Variants in PSIP1 observed in about 807,000 individuals in gnomAD.
PSIP1 encodes the protein PC4 and SRSF1 interacting protein 1.
A neutral mutation model predicts 74.7 loss-of-function variants in PSIP1; 19 were observed. The observed-to-expected ratio is 0.25, with a 90% CI of 0.18 to 0.37. The LOEUF is 0.37. PSIP1 is among the 10% of genes least tolerant of loss of function. The pLI is 1.00. For missense variants in PSIP1, 601 were observed against 614.3 expected, an observed-to-expected ratio of 0.98 and a Z score of 0.23; for synonymous variants, 222 against 195.3, an observed-to-expected ratio of 1.14 and a Z score of -1.14.
At chr9:15,493,962 A>ACAT (rs2036955501) in intron 3 of PSIP1, among the ~76,000 whole-genome samples, 1 of 152,182 alleles carries the variant, frequency 6.6e-6, no homozygotes, top group African/African-American at 2.4e-5. Context: ...TGGACCCTGT[A>ACAT]CATCTCCTCC....
chr9:15,499,192 T>G (rs1363671457), intron 3 of PSIP1, among the ~76,000 whole-genome samples: 2 of 152,194 alleles, frequency 1.3e-5, no homozygotes, highest in African/African-American at 4.8e-5. Context: ...TTTTGGACTT[T>G]CCTTTAACCA....
rs1184073039 is a variant in PSIP1, at chr9:15,474,277, C to T, written c.630-40G>A. 6.7e-6 allele frequency: 10 copies of T among 1,489,332 alleles called. No individual in the cohort carries two copies. The East Asian group carries it at 2.3e-4, about 34-fold the overall frequency. 92.3% of individuals were successfully genotyped at this position (1,489,332 alleles called of 1,614,324 possible). On this transcript the variant is annotated intron_variant, in intron 8 of 15. Coordinates refer to ENST00000380733, the MANE Select transcript of PSIP1 (RefSeq NM_033222.5). ...ATAACAATGTATACTTGTCATTCAA[C>T]TATAATAGTATTTTAGATATCAGTA...
intron 6 of PSIP1, among the ~76,000 whole-genome samples, chr9:15,481,224 G>A: frequency 6.6e-6 from 1 of 152,164 alleles, no homozygotes; most frequent in Admixed American, 6.5e-5. Context: ...TTTTTATAAA[G>A]CTCCCCAGGT....
In PSIP1 at chr9:15,479,646, T is replaced by A. The variant is rs901927161; in HGVS notation, c.498A>T (p.Thr166=). The A allele has an allele frequency of 6.2e-7, 1 of 1,612,118 alleles. No homozygotes were observed. Among genetic ancestry groups the A allele is most frequent in the Non-Finnish European group, 8.5e-7 (1 of 1,179,208 alleles). Residue 166 remains threonine (T), a synonymous_variant, in exon 7 of 16, where the codon ACA becomes ACT. Transcript: ENST00000380733. ...QVETEEAGVV[T]TATASVNLKV... The stretch of plus-strand genomic sequence containing the variant: ...TTAGATTAACAGATGCTGTTGCTGT[T>A]GTCACTACTCCTGCCTCCTCAGTTT...
chr9:15,466,364 G>A (rs1027172703), intron 15 of PSIP1, among the ~76,000 whole-genome samples: 38 of 152,090 alleles, frequency 2.5e-4, no homozygotes, highest in African/African-American at 9.2e-4. Context: ...AGCAACAAGA[G>A]TGAAACTCTG....
At position 15,509,648 on chromosome 9, in the gene PSIP1, G is replaced by A. The variant is rs77999755; in HGVS notation, c.72+469C>T. 2.7e-3 allele frequency among the ~76,000 whole-genome samples: 417 copies of A among 152,312 alleles called. 7 individuals carry two copies. The highest frequency in any genetic ancestry group is 9.6e-3 in the African/African-American group (398 of 41,562). On this transcript the variant is annotated intron_variant, in intron 2 of 15. Coordinates refer to ENST00000380733, the MANE Select transcript of PSIP1 (RefSeq NM_033222.5). ...AAGCAAATCCAGAAGGCCTCATCAA[G>A]TACAAGGTATTTTTTTTAAAACCCT... is the stretch of plus-strand genomic sequence containing the variant.
chr9:15,469,058 C>T lies in PSIP1; in HGVS notation c.1105G>A (p.Asp369Asn). 6.2e-7 allele frequency: 1 copy of T among 1,611,474 alleles called. No individual in the cohort carries two copies. Among genetic ancestry groups the T allele is most frequent in the Non-Finnish European group, 8.5e-7 (1 of 1,178,712 alleles). ...IKNSLKIDNL[D>N]VNRCIEALDE... ...AAGGCCTCAATGCATCTGTTCACATCCTTCATGACAAAACAGTAATTTCAT... is the reference window on the plus strand; with the variant it reads ...AAGGCCTCAATGCATCTGTTCACATTCTTCATGACAAAACAGTAATTTCAT... The change falls in exon 13 of 16, where the codon GAT becomes AAT. Residue 369 changes from aspartate (D) to asparagine (N), a missense_variant and splice_region_variant. Around this residue, in one of 2 missense-constraint regions of PSIP1, gnomAD observed 538 missense variants for 507.6 expected, o/e 1.06. Transcript: ENST00000380733.
intron 3 of PSIP1, among the ~76,000 whole-genome samples, chr9:15,501,657 A>ACTG (rs2037349523): frequency 6.6e-6 from 1 of 151,922 alleles, no homozygotes; most frequent in African/African-American, 2.4e-5. Flanking sequence ...GTTTTGATTC[A>ACTG]CTGCTAATGT....
chr9:15,477,174 A>G (rs569950499), intron 8 of PSIP1, among the ~76,000 whole-genome samples: 4 of 152,332 alleles, frequency 2.6e-5, no homozygotes, highest in African/African-American at 4.8e-5. Flanking sequence ...TAATTTCACT[A>G]TAATAGTTAA....
intron 3 of PSIP1, among the ~76,000 whole-genome samples, chr9:15,492,444 C>A (rs1328004570): frequency 6.6e-6 from 1 of 152,208 alleles, no homozygotes; most frequent in Non-Finnish European, 1.5e-5. Flanking sequence ...GGTGAGCTCC[C>A]ACAGCCTTAA....
chr9:15,487,061 A>C (rs2036587866), intron 4 of PSIP1, 130 bp from the exon 5 acceptor site: 1 of 517,696 alleles, frequency 1.9e-6, no homozygotes, highest in Non-Finnish European at 3.2e-6. Context: ...GCAGTGGCGC[A>C]ATTATGGTTC....
chr9:15,471,662 C>T, intron 10 of PSIP1: 1 of 937,246 alleles, frequency 1.1e-6, no homozygotes, highest in Non-Finnish European at 1.3e-6. Context: ...TTAAATTACT[C>T]CCTCAAGGAG....
intron 6 of PSIP1, among the ~76,000 whole-genome samples, chr9:15,485,197 C>G (rs1167482012): frequency 1.3e-5 from 2 of 151,950 alleles, no homozygotes; most frequent in Non-Finnish European, 2.9e-5. Flanking sequence ...TTTTTGGTAC[C>G]CATTTCCCTC....
At chr9:15,508,670 A>T (rs1046382009) in intron 2 of PSIP1, among the ~76,000 whole-genome samples, 1 of 152,204 alleles carries the variant, frequency 6.6e-6, no homozygotes. Flanking sequence ...ATGAAAAAGT[A>T]TATCAGAGGG....
intron 3 of PSIP1, among the ~76,000 whole-genome samples, chr9:15,500,692 C>T (rs191114246): frequency 8.5e-5 from 13 of 152,208 alleles, no homozygotes; most frequent in East Asian, 3.9e-4. Context: ...ATAAATTAGA[C>T]GGGTTTTAAA....
At chr9:15,480,162 C>T (rs16933316) in intron 6 of PSIP1, among the ~76,000 whole-genome samples, 17,544 of 152,220 alleles carry the variant, frequency 0.12, 2,600 homozygotes, top group African/African-American at 0.34. Flanking sequence ...CCTTTGATAA[C>T]TGCTAGTATG....
intron 10 of PSIP1, chr9:15,471,215 G>C: frequency 6.2e-7 from 1 of 1,606,182 alleles, no homozygotes. Context: ...TATTACTGTA[G>C]ATTACATGTT....
chr9:15,491,437 G>A (rs2132149264), intron 3 of PSIP1, among the ~76,000 whole-genome samples: 1 of 152,340 alleles, frequency 6.6e-6, no homozygotes, highest in East Asian at 1.9e-4. Flanking sequence ...GTGCATGTTT[G>A]TGAATGACCT....
rs767922897 is a variant in PSIP1 at position 15,497,325 on chromosome 9, C to CTTTTTTTTTTTTTTTTTTTTTTTTT, written c.150-7202_150-7201insAAAAAAAAAAAAAAAAAAAAAAAAA. 4.5e-4 allele frequency among the ~76,000 whole-genome samples: 53 copies of CTTTTTTTTTTTTTTTTTTTTTTTTT among 118,542 alleles called. 2 individuals are homozygous for CTTTTTTTTTTTTTTTTTTTTTTTTT. Among genetic ancestry groups the CTTTTTTTTTTTTTTTTTTTTTTTTT allele is most frequent in the African/African-American group, 1.3e-3 (32 of 24,852 alleles). The allele number at this position is 118,542 out of a possible 152,430, so 77.8% of individuals were successfully genotyped here. On this transcript the variant is annotated intron_variant, in intron 3 of 15. Coordinates refer to ENST00000380733, the MANE Select transcript of PSIP1 (RefSeq NM_033222.5). ...CTGAAGACCACACGTTCTATGATTC[C>CTTTTTTTTTTTTTTTTTTTTTTTTT]TTTTTTTTTTTTTTTTGAGACAGAG...
Sources: gnomAD v4.1 joint callset for allele counts (sites outside exome capture counted in the v4.1 genomes callset) on GRCh38, gnomAD v4.1.1 for gene constraint, gnomAD v4.1.1 regional missense constraint, MANE v1.5 for transcripts, NCBI Gene and HGNC (gene_info 2026-07-23, HGNC 2026-07-21) for gene names.